The following MSC variants were observed in gnomAD, a reference collection of about 807,000 sequenced individuals.
MSC encodes activated B-cell factor 1, homolog of mouse musculin.
A neutral mutation model predicts 14.4 loss-of-function variants in MSC; 16 were observed. The ratio of observed to expected loss-of-function variants is 1.11; its 90% CI spans 0.75 to 1.69. The LOEUF (loss-of-function observed/expected upper bound fraction) is 1.69, where lower values mean the gene tolerates loss of function less well. MSC is among the 40% of genes most tolerant of loss of function. The probability of loss-of-function intolerance (pLI) is 0.00; values close to 1 mark genes in which losing one functional copy is unlikely to be tolerated. For synonymous variants in MSC, 165 were observed against 128.5 expected, an observed-to-expected ratio of 1.28 and a Z score of -1.92; for missense variants, 320 against 288.1, an observed-to-expected ratio of 1.11 and a Z score of -0.80.
At position 71,843,887 on chromosome 8, in the gene MSC, T is replaced by C. The variant is rs371656922; in HGVS notation, c.292A>G (p.Lys98Glu). ...GGGGKKPLPA[K>E]GSAAECKQSQ... ...TGCTTGCACTCTGCGGCTGAGCCCT[T>C]GGCCGGGAGGGGCTTCTTGCCACCA... The change falls in exon 1 of 2, where the codon AAG becomes GAG. Residue 98 changes from lysine (K) to glutamate (E), a missense_variant. Transcript: ENST00000325509. 2.5e-6 allele frequency: 4 copies of C among 1,605,052 alleles called. No individual in the cohort carries two copies. Among genetic ancestry groups the C allele is most frequent in the Non-Finnish European group, 3.4e-6 (4 of 1,176,194 alleles).
Position 71,842,328 on chromosome 8 carries a change from G to T in MSC, c.*333C>A. On this transcript the variant is annotated 3_prime_UTR_variant, in exon 2 of 2. Coordinates refer to ENST00000325509, the MANE Select transcript of MSC (RefSeq NM_005098.4). ...ATCTGGCTCCGCTGAGAACGGATCC[G>T]TGGGCTGTCTGGCGCGGGCTGGGGC... 1 of 352,442 alleles carries T rather than the reference G, an allele frequency of 2.8e-6. No homozygotes were observed. The highest frequency in any genetic ancestry group is 3.7e-5 in the Admixed American group (1 of 26,766). The allele number at this position is 352,442 out of a possible 1,614,324, so 21.8% of individuals were successfully genotyped here.
chr8:71,843,936 G>C lies in MSC; in HGVS notation c.243C>G (p.Gly81=). 6.4e-7 allele frequency: 1 copy of C among 1,562,126 alleles called. No homozygotes were observed. Among genetic ancestry groups the C allele is most frequent in the Non-Finnish European group, 8.7e-7 (1 of 1,155,920 alleles). ...CACCGCCCGCGCTACCACCTGCGCC[G>C]CCGCCCCCAGCCACACGGGGCCGCT... The part of the protein sequence containing the change: ...KRKRPRVAGG[G]GAGGSAGGGG... The change falls in exon 1 of 2, where the codon GGC becomes GGG. Residue 81 remains glycine (G), a synonymous_variant. Transcript: ENST00000325509.
At position 71,843,931 on chromosome 8, in the gene MSC, G is replaced by GCGC. The variant is rs1807449490; in HGVS notation, c.245_247dup (p.Gly82dup). On this transcript the variant is annotated inframe_insertion, in exon 1 of 2. Transcript: ENST00000325509. Reference sequence around the variant, plus strand: ...GCCACCACCGCCCGCGCTACCACCTGCGCCGCCGCCCCCAGCCACACGGGG... The same window carrying GCGC: ...GCCACCACCGCCCGCGCTACCACCTGCGCCGCCGCCGCCCCCAGCCACACGGGG... 2.6e-6 allele frequency: 4 copies of GCGC among 1,567,026 alleles called. No homozygotes were observed. Among genetic ancestry groups the GCGC allele is most frequent in the Non-Finnish European group, 3.5e-6 (4 of 1,158,454 alleles).
Position 71,842,369 on chromosome 8 carries a change from G to C in MSC, c.*292C>G, listed in dbSNP as rs1159704492. On this transcript the variant is annotated 3_prime_UTR_variant, in exon 2 of 2. Transcript: ENST00000325509. The stretch of plus-strand genomic sequence containing the variant: ...GGGCTGGGGCAGCAGCCGAGAGTTA[G>C]TCTACAGAGCTAGGGCCCGAGGGTG... The C allele has an allele frequency of 5.0e-6, 2 of 397,552 alleles. No individual in the cohort carries two copies. Among genetic ancestry groups the C allele is most frequent in the Non-Finnish European group, 4.8e-6 (1 of 208,938 alleles). The allele number at this position is 397,552 out of a possible 1,614,324, so 24.6% of individuals were successfully genotyped here.
In MSC at chr8:71,843,854, G is replaced by A; in HGVS notation, c.325C>T (p.Arg109Trp). The change falls in exon 1 of 2, where the codon CGG becomes TGG. Residue 109 changes from arginine (R) to tryptophan (W), a missense_variant. By Grantham distance (101) the Arg-to-Trp change is moderately radical. Transcript: ENST00000325509. ...GSAAECKQSQ[R>W]NAANARERAR... ...CGCTCACGGGCGTTGGCCGCGTTCC[G>A]CTGCGACTGCTTGCACTCTGCGGCT... 1.9e-6 allele frequency: 3 copies of A among 1,612,480 alleles called. No individual in the cohort carries two copies. Among genetic ancestry groups the A allele is most frequent in the Non-Finnish European group, 2.5e-6 (3 of 1,179,558 alleles).
At chr8:71,842,814 A>T in intron 1 of MSC, 67 bp from the exon 2 acceptor site, 5 of 1,364,120 alleles carry the variant, frequency 3.7e-6, no homozygotes, top group Non-Finnish European at 5.2e-6. Context: ...CAGCTCTCCT[A>T]CGCGAACCCC....
chr8:71,844,016 C>T lies in MSC; in HGVS notation c.163G>A (p.Glu55Lys), dbSNP rs1439093112. 3.8e-6 allele frequency: 6 copies of T among 1,576,838 alleles called. No individual in the cohort carries two copies. Among genetic ancestry groups the T allele is most frequent in the East Asian group, 2.3e-5 (1 of 43,024 alleles). The change falls in exon 1 of 2, where the codon GAG becomes AAG. Residue 55 changes from glutamate (E) to lysine (K), a missense_variant. Glu to Lys is a moderately conservative substitution (Grantham distance 56). Coordinates refer to ENST00000325509, the MANE Select transcript of MSC (RefSeq NM_005098.4). The part of the protein sequence containing the change: ...SSAEEEDPDG[E>K]EERCALGTAG... ...GTGCCCAGAGCGCAGCGCTCCTCCTCGCCGTCGGGGTCCTCCTCCTCTGCC... is the reference window on the plus strand; with the variant it reads ...GTGCCCAGAGCGCAGCGCTCCTCCTTGCCGTCGGGGTCCTCCTCCTCTGCC...
In MSC at chr8:71,844,053, ACTG is replaced by A; in HGVS notation, c.123_125del (p.Ser42del). The A allele has an allele frequency of 6.5e-7, 1 of 1,545,792 alleles. No individual in the cohort carries two copies. Reference sequence around the variant, plus strand: ...CCTCCTCCTCTGCCGACGAGTTGTCACTGGGCGAGGCGTAGCTGCGCTCTACGC... The same window carrying A: ...CCTCCTCCTCTGCCGACGAGTTGTCAGGCGAGGCGTAGCTGCGCTCTACGC... On this transcript the variant is annotated inframe_deletion, in exon 1 of 2. Transcript: ENST00000325509.
chr8:71,842,680 A>T lies in MSC; in HGVS notation c.602T>A (p.Leu201Gln), dbSNP rs1287051526. Residue 201 changes from leucine to glutamine, a missense_variant, in exon 2 of 2, where the codon CTA (leucine) becomes CAA (glutamine). Coordinates refer to ENST00000325509, the MANE Select transcript of MSC (RefSeq NM_005098.4). ...TCCGATTTAAGCGGTGGTTCCACAT[A>T]GTCTGTTGGCTGCGGAAACTTCTTT... ...DTKEVSAANRLCGTTA is the reference protein window; with the variant it reads ...DTKEVSAANRQCGTTA The T allele has an allele frequency of 1.2e-6, 2 of 1,614,002 alleles. No homozygotes were observed. The highest frequency in any genetic ancestry group is 1.7e-6 in the Non-Finnish European group (2 of 1,180,012).
chr8:71,843,523 C>T, intron 1 of MSC, 122 bp downstream of exon 1: 1 of 1,286,298 alleles, frequency 7.8e-7, no homozygotes, highest in Non-Finnish European at 1.1e-6. Context: ...CCTTCTCGTT[C>T]CCAGTCCCAG....
chr8:71,842,827 A>G, intron 1 of MSC, 80 bp from the exon 2 acceptor site: 1 of 1,245,472 alleles, frequency 8.0e-7, no homozygotes, highest in Non-Finnish European at 1.2e-6. Context: ...CGAACCCCAG[A>G]TATTCCTGAC....
rs746335070 is a variant in MSC, at chr8:71,842,774, T to C, written c.535-27A>G. On this transcript the variant is annotated intron_variant, in intron 1 of 1. Transcript: ENST00000325509. ...TGTAAATCAAAAAGAACGTGAGATA[T>C]TAGAGAGAAACGATTGTCTCAAACC... The C allele has an allele frequency of 4.4e-5, 71 of 1,603,408 alleles. No homozygotes were observed. In the Middle Eastern group the frequency reaches 6.6e-4, roughly 15 times the overall value.
chr8:71,842,247 T>G lies in MSC; in HGVS notation c.*414A>C. On this transcript the variant is annotated 3_prime_UTR_variant, in exon 2 of 2. Transcript: ENST00000325509. ...GCGCGTTCTAACCGTTCCCTAACCA[T>G]TGTGTCACCGCGAAAGGCCGGGGCT... is the stretch of plus-strand genomic sequence containing the variant. The G allele has an allele frequency of 4.3e-6, 1 of 235,144 alleles. No individual in the cohort carries two copies. The highest frequency in any genetic ancestry group is 8.6e-6 in the Non-Finnish European group (1 of 115,820). The allele number at this position is 235,144 out of a possible 1,614,324, so 14.6% of individuals were successfully genotyped here.
chr8:71,842,975 G>A (rs1585713051), intron 1 of MSC: 1 of 452,058 alleles, frequency 2.2e-6, no homozygotes, highest in South Asian at 2.0e-5. Context: ...TTGCCCGCAG[G>A]ATAATTTGGT....
At chr8:71,842,911 C>T in intron 1 of MSC, 164 bp from the exon 2 acceptor site, 1 of 658,136 alleles carries the variant, frequency 1.5e-6, no homozygotes, top group South Asian at 1.6e-5. Flanking sequence ...TTTCATTTTA[C>T]TGGAGGTTGA....
chr8:71,844,238 C>T lies in MSC; in HGVS notation c.-60G>A. 1 of 1,603,056 alleles carries T rather than the reference C, an allele frequency of 6.2e-7. No individual in the cohort carries two copies. Among genetic ancestry groups the T allele is most frequent in the Non-Finnish European group, 8.5e-7 (1 of 1,176,510 alleles). ...CCTCCCCCCTGGCCAGTCTCGCTGT[C>T]TCCGCCTTCCGCTCCCTGGCGGAGG... On this transcript the variant is annotated 5_prime_UTR_variant, in exon 1 of 2. Transcript: ENST00000325509.
chr8:71,842,387 C>T lies in MSC; in HGVS notation c.*274G>A. 2.3e-6 allele frequency: 1 copy of T among 431,794 alleles called. No individual in the cohort carries two copies. Among genetic ancestry groups the T allele is most frequent in the Non-Finnish European group, 4.4e-6 (1 of 229,816 alleles). 26.7% of individuals were successfully genotyped at this position (431,794 alleles called of 1,614,324 possible). Reference sequence around the variant, plus strand: ...AGAGTTAGTCTACAGAGCTAGGGCCCGAGGGTGGACCTGCGTCCGCGTCTC... The same window carrying T: ...AGAGTTAGTCTACAGAGCTAGGGCCTGAGGGTGGACCTGCGTCCGCGTCTC... On this transcript the variant is annotated 3_prime_UTR_variant, in exon 2 of 2. Transcript: ENST00000325509.
At chr8:71,843,602 T>C (rs909147743) in intron 1 of MSC, 43 bp downstream of exon 1, 16 of 1,613,666 alleles carry the variant, frequency 9.9e-6, no homozygotes, top group Non-Finnish European at 1.4e-5. Flanking sequence ...GCCCTGGGTA[T>C]CTCCTGGCTG....
chr8:71,843,629 C>A lies in MSC; in HGVS notation c.534+16G>T, dbSNP rs1415615657. On this transcript the variant is annotated intron_variant, in intron 1 of 1. Coordinates refer to ENST00000325509, the MANE Select transcript of MSC (RefSeq NM_005098.4). Reference sequence around the variant, plus strand: ...TCCTGGCTGCTCTCCCGAATCCTTGCGCGCCGCGCCCCTACCAGGTTCACT... The same window carrying A: ...TCCTGGCTGCTCTCCCGAATCCTTGAGCGCCGCGCCCCTACCAGGTTCACT... 6.2e-7 allele frequency: 1 copy of A among 1,614,098 alleles called. No homozygotes were observed. The highest frequency in any genetic ancestry group is 8.5e-7 in the Non-Finnish European group (1 of 1,179,994).
Sources: gnomAD v4.1 joint callset for allele counts on GRCh38, gnomAD v4.1.1 for gene constraint, MANE v1.5 for transcripts, NCBI Gene and HGNC (gene_info 2026-07-23, HGNC 2026-07-21) for gene names.